Variants in CRMP1 observed in about 807,000 individuals in gnomAD.
CRMP1 encodes the protein collapsin response mediator protein 1, also known as dihydropyrimidinase-related protein 1.
A neutral mutation model predicts 68.3 loss-of-function variants in CRMP1; 19 were observed. The observed-to-expected ratio is 0.28, with a 90% CI of 0.19 to 0.41. CRMP1 has a LOEUF of 0.41. Ranked by LOEUF, CRMP1 falls within the 10% of genes least tolerant of loss-of-function variation. The probability of loss-of-function intolerance (pLI) is 1.00; values close to 1 mark genes in which losing one functional copy is unlikely to be tolerated. For synonymous variants in CRMP1, 439 were observed against 399.6 expected, an observed-to-expected ratio of 1.10 and a Z score of -1.18; for missense variants, 791 against 967.4, an observed-to-expected ratio of 0.82 and a Z score of 2.42.
intron 1 of CRMP1, among the ~76,000 whole-genome samples, chr4:5,873,164 C>A (rs1290388713): frequency 6.6e-6 from 1 of 152,162 alleles, no homozygotes. Flanking sequence ...GCTAAGTCAA[C>A]AGCTGGCCTT....
At chr4:5,824,652 T>C in intron 13 of CRMP1, 1 of 931,980 alleles carries the variant, frequency 1.1e-6, no homozygotes, top group Non-Finnish European at 1.3e-6. Flanking sequence ...GGCTATTGAA[T>C]ATAACATCCT....
At position 5,887,818 on chromosome 4, in the gene CRMP1, C is replaced by T. The variant is rs190082342; in HGVS notation, c.381+4771G>A. On this transcript the variant is annotated intron_variant, in intron 1 of 13. Coordinates refer to ENST00000324989, the MANE Select transcript of CRMP1 (RefSeq NM_001014809.3). ...GTACCGGGCTGTGGGGTGCATGGGC[C>T]GGACGGTGCGGGGGCCGAGCCAAGG... 1,039 of 994,958 alleles carry T rather than the reference C, an allele frequency of 1.0e-3. 5 individuals carry two copies. The African/African-American group carries it at 0.017, about 17-fold the overall frequency. 61.6% of individuals were successfully genotyped at this position (994,958 alleles called of 1,614,324 possible).
intron 2 of CRMP1, among the ~76,000 whole-genome samples, chr4:5,863,449 G>A (rs780828546): frequency 3.9e-5 from 6 of 152,110 alleles, no homozygotes; most frequent in South Asian, 4.1e-4. Flanking sequence ...CTTTACTGCC[G>A]CCCTGCTTCC....
At chr4:5,871,641 C>T (rs779693469) in intron 1 of CRMP1, among the ~76,000 whole-genome samples, 5 of 151,904 alleles carry the variant, frequency 3.3e-5, no homozygotes, top group Non-Finnish European at 5.9e-5. Context: ...GCCTGGGCAA[C>T]AGAGTGAGAT....
intron 1 of CRMP1, chr4:5,887,796 C>G: frequency 1.0e-6 from 1 of 990,314 alleles, no homozygotes; most frequent in Non-Finnish European, 1.2e-6. Flanking sequence ...GGGGGAGGTA[C>G]CGGGCTGTGG....
Position 5,825,465 on chromosome 4 carries a change from G to A in CRMP1, c.1969+29C>T. The A allele has an allele frequency of 6.5e-7, 1 of 1,541,246 alleles. No individual in the cohort carries two copies. The highest frequency in any genetic ancestry group is 8.7e-7 in the Non-Finnish European group (1 of 1,151,960). ...ACTCGGCCTGAACTGCTGCAATTGT[G>A]GGGAGCCTGGGCCACCACTCTTTCC... On this transcript the variant is annotated intron_variant, in intron 13 of 13. Coordinates refer to ENST00000324989, the MANE Select transcript of CRMP1 (RefSeq NM_001014809.3). This position sits in a 1 kb window ranked among gnomAD's most constrained non-coding sequence, Gnocchi z 4.4.
At chr4:5,882,923 A>G (rs2152475155) in intron 1 of CRMP1, among the ~76,000 whole-genome samples, 1 of 152,366 alleles carries the variant, frequency 6.6e-6, no homozygotes, top group South Asian at 2.1e-4. Flanking sequence ...TCTAAGACAC[A>G]CTTAGAACCC....
intron 5 of CRMP1, 24 bp from the exon 6 acceptor site, chr4:5,849,496 G>T: frequency 6.5e-7 from 1 of 1,527,696 alleles, no homozygotes; most frequent in Non-Finnish European, 9.0e-7. Flanking sequence ...AACAGGGGTT[G>T]GTGTGAGATT....
In CRMP1 at chr4:5,883,640, A is replaced by G. The variant is rs548585396; in HGVS notation, c.381+8949T>C. The stretch of plus-strand genomic sequence containing the variant: ...TGCACTTTGTCACTTAGATGGCAAG[A>G]TAATTAAGGTCAGGGACACACACAC... On this transcript the variant is annotated intron_variant, in intron 1 of 13. Coordinates refer to ENST00000324989, the MANE Select transcript of CRMP1 (RefSeq NM_001014809.3). This position sits in a 1 kb window ranked among gnomAD's most constrained non-coding sequence, Gnocchi z 4.5. 7.1e-6 allele frequency among the ~76,000 whole-genome samples: 1 copy of G among 141,586 alleles called. No individual in the cohort carries two copies. The highest frequency in any genetic ancestry group is 2.2e-4 in the East Asian group (1 of 4,550). The allele number at this position is 141,586 out of a possible 152,430, so 92.9% of individuals were successfully genotyped here.
chr4:5,853,457 T>C lies in CRMP1; in HGVS notation c.821-1988A>G, dbSNP rs1182068145. ...GAGATAGCAAGTGTTGATGAGGATG[T>C]GGAGAAAAGGCAATTCCTGAGCACC... is the stretch of plus-strand genomic sequence containing the variant. On this transcript the variant is annotated intron_variant, in intron 4 of 13. Transcript: ENST00000324989. This position sits in a 1 kb window ranked among gnomAD's most constrained non-coding sequence, Gnocchi z 4.7. Among the ~76,000 whole-genome samples, 1 of 152,098 alleles carries C rather than the reference T, an allele frequency of 6.6e-6. No homozygotes were observed. Among genetic ancestry groups the C allele is most frequent in the Non-Finnish European group, 1.5e-5 (1 of 68,022 alleles).
In CRMP1 at chr4:5,888,534, G is replaced by T; in HGVS notation, c.381+4055C>A. On this transcript the variant is annotated intron_variant, in intron 1 of 13. Coordinates refer to ENST00000324989, the MANE Select transcript of CRMP1 (RefSeq NM_001014809.3). This position sits in a 1 kb window ranked among gnomAD's most constrained non-coding sequence, Gnocchi z 6.4. ...GAGGCGAGGGCGGGAGGAGGGGGCTGCAGACAGCTCCTCCCGGCGGCGCGG... is the reference window on the plus strand; with the variant it reads ...GAGGCGAGGGCGGGAGGAGGGGGCTTCAGACAGCTCCTCCCGGCGGCGCGG... The T allele has an allele frequency of 3.4e-6, 4 of 1,169,200 alleles. No individual in the cohort carries two copies. Among genetic ancestry groups the T allele is most frequent in the Non-Finnish European group, 4.2e-6 (4 of 947,924 alleles). The allele number at this position is 1,169,200 out of a possible 1,614,324, so 72.4% of individuals were successfully genotyped here. A position where few individuals can be genotyped will look rare whatever the true frequency, so the allele number is the denominator to read the frequency against.
chr4:5,823,834 G>C (rs6849843), intron 13 of CRMP1, among the ~76,000 whole-genome samples: 14,149 of 152,210 alleles, frequency 0.093, 1,353 homozygotes, highest in African/African-American at 0.25. Flanking sequence ...ATCCTTTATA[G>C]CAATGTAAAT....
chr4:5,824,152 G>A (rs1210992377), intron 13 of CRMP1: 1 of 237,942 alleles, frequency 4.2e-6, no homozygotes, highest in Non-Finnish European at 6.8e-6. Flanking sequence ...AATTGCAATT[G>A]TGCAGTGTTT....
chr4:5,849,260 T>C, intron 6 of CRMP1, 132 bp downstream of exon 6: 2 of 701,514 alleles, frequency 2.9e-6, no homozygotes, highest in Non-Finnish European at 5.0e-6. Flanking sequence ...CTGATGTGTC[T>C]GATATGACAC....
chr4:5,821,959 T>G lies in CRMP1; in HGVS notation c.1970-108A>C, dbSNP rs1442211750. The G allele has an allele frequency of 2.8e-5, 24 of 850,188 alleles. No individual in the cohort carries two copies. 52.7% of individuals were successfully genotyped at this position (850,188 alleles called of 1,614,324 possible). A position where few individuals can be genotyped will look rare whatever the true frequency, so the allele number is the denominator to read the frequency against. On this transcript the variant is annotated intron_variant, in intron 13 of 13. Coordinates refer to ENST00000324989, the MANE Select transcript of CRMP1 (RefSeq NM_001014809.3). This position sits in a 1 kb window ranked among gnomAD's most constrained non-coding sequence, Gnocchi z 4.4. Reference sequence around the variant, plus strand: ...TGCACTCCACTGGACCCACCTTCATTCAGGGCTCAGTCCAGGACCAGCCAT... The same window carrying G: ...TGCACTCCACTGGACCCACCTTCATGCAGGGCTCAGTCCAGGACCAGCCAT...
At chr4:5,824,769 G>C in intron 13 of CRMP1, 1 of 984,270 alleles carries the variant, frequency 1.0e-6, no homozygotes, top group Non-Finnish European at 1.2e-6. Flanking sequence ...CCAGCACGGT[G>C]TGCAACCCAT....
In CRMP1 at chr4:5,842,260, C is replaced by CA. The variant is rs1352449644; in HGVS notation, c.1032+832dup. Among the ~76,000 whole-genome samples, 2 of 150,994 alleles carry CA rather than the reference C, an allele frequency of 1.3e-5. No homozygotes were observed. The highest frequency in any genetic ancestry group is 3.0e-5 in the Non-Finnish European group (2 of 67,652). On this transcript the variant is annotated intron_variant, in intron 7 of 13. Transcript: ENST00000324989. This position sits in a 1 kb window ranked among gnomAD's most constrained non-coding sequence, Gnocchi z 4.5. ...CTCAAAAACAAACAAAACAAACAAA[C>CA]AAAAAACACAAATTAGCCAGGCGTG...
At position 5,865,021 on chromosome 4, in the gene CRMP1, T is replaced by C. The variant is rs1455641008; in HGVS notation, c.470+1647A>G. Among the ~76,000 whole-genome samples, 1 of 151,994 alleles carries C rather than the reference T, an allele frequency of 6.6e-6. No individual in the cohort carries two copies. Among genetic ancestry groups the C allele is most frequent in the African/African-American group, 2.4e-5 (1 of 41,358 alleles). Reference sequence around the variant, plus strand: ...CCCTCTTCACTGGGTGATTTGCATATGTGGTCCCTTTCAATGCCCCCAATA... The same window carrying C: ...CCCTCTTCACTGGGTGATTTGCATACGTGGTCCCTTTCAATGCCCCCAATA... On this transcript the variant is annotated intron_variant, in intron 2 of 13. Coordinates refer to ENST00000324989, the MANE Select transcript of CRMP1 (RefSeq NM_001014809.3). This position sits in a 1 kb window ranked among gnomAD's most constrained non-coding sequence, Gnocchi z 4.1.
At chr4:5,832,841 C>T (rs1720469881) in intron 11 of CRMP1, among the ~76,000 whole-genome samples, 1 of 152,158 alleles carries the variant, frequency 6.6e-6, no homozygotes, top group Middle Eastern at 3.2e-3. Flanking sequence ...GTGTTGAAAT[C>T]CTAACCCCCA....
Sources: gnomAD v4.1 joint callset for allele counts (sites outside exome capture counted in the v4.1 genomes callset) on GRCh38, gnomAD v4.1.1 for gene constraint, Gnocchi (gnomAD v3.1) non-coding constraint, MANE v1.5 for transcripts, NCBI Gene and HGNC (gene_info 2026-07-23, HGNC 2026-07-21) for gene names.